IRAK1BP1: variants seen among roughly 807,000 people sequenced by gnomAD.
IRAK1BP1 encodes the protein interleukin 1 receptor associated kinase 1 binding protein 1.
In IRAK1BP1, 24 loss-of-function variants were observed where a neutral mutation model predicts 28.0. The observed-to-expected ratio is 0.86, with a 90% CI of 0.62 to 1.20. IRAK1BP1 has a LOEUF of 1.20. Ranked by LOEUF, IRAK1BP1 falls within the 50% of genes most tolerant of loss-of-function variation. IRAK1BP1 has a pLI of 0.00. For missense variants in IRAK1BP1, 336 were observed against 316.7 expected (o/e 1.06, Z -0.46); for synonymous variants, 131 against 116.3 (o/e 1.13, Z -0.81).
intron 1 of IRAK1BP1, among the ~76,000 whole-genome samples, chr6:78,874,592 C>T (rs958053729): frequency 1.3e-5 from 2 of 152,034 alleles, no homozygotes; most frequent in Admixed American, 1.3e-4. Context: ...AAAAAATTCC[C>T]TGTCTGCAAG....
At chr6:78,926,710 C>A (rs1026519240) in intron 4 of IRAK1BP1, among the ~76,000 whole-genome samples, 1 of 152,158 alleles carries the variant, frequency 6.6e-6, no homozygotes, top group Non-Finnish European at 1.5e-5. Context: ...CTACATTTCT[C>A]AGCCTCTGAC....
chr6:78,888,770 C>A (rs62424927), intron 2 of IRAK1BP1, among the ~76,000 whole-genome samples: 135,806 of 152,020 alleles, frequency 0.89, 60,691 homozygotes, highest in Admixed American at 0.9. Flanking sequence ...GACCTCCCAA[C>A]GTGCTAGGAC....
At chr6:78,910,745 C>A (rs1272413990) in intron 4 of IRAK1BP1, among the ~76,000 whole-genome samples, 2 of 152,258 alleles carry the variant, frequency 1.3e-5, no homozygotes, top group Non-Finnish European at 2.9e-5. Flanking sequence ...ATGCTTGAAT[C>A]GCGCTTCTCG....
At chr6:78,886,163 A>G (rs941718809) in intron 2 of IRAK1BP1, among the ~76,000 whole-genome samples, 5 of 152,208 alleles carry the variant, frequency 3.3e-5, no homozygotes, top group African/African-American at 1.2e-4. Flanking sequence ...AGTAGAAAGT[A>G]TCTCCATCAC....
At chr6:78,954,899 T>C in the IRAK1BP1 span, 1 of 1,587,238 alleles carries the variant, frequency 6.3e-7, no homozygotes, top group Admixed American at 1.9e-5. Context: ...TTCACACTGT[T>C]TCTTCCATGC....
chr6:78,890,403 A>C (rs537741906), intron 2 of IRAK1BP1, among the ~76,000 whole-genome samples: 6 of 132,942 alleles, frequency 4.5e-5, no homozygotes, highest in African/African-American at 1.6e-4. Flanking sequence ...CCCAGAACTT[A>C]AAGTATAAGT....
the IRAK1BP1 span, among the ~76,000 whole-genome samples, chr6:78,953,734 C>T: frequency 2.0e-5 from 3 of 152,024 alleles, no homozygotes; most frequent in African/African-American, 7.2e-5. Flanking sequence ...TAAGTTAGAA[C>T]AAAAATTAGC....
chr6:78,909,386 A>G lies in IRAK1BP1; in HGVS notation c.*67+6276A>G, dbSNP rs145186654. ...ATCAGATTGGCCTGAAGCTTAGCAC[A>G]GCCTCCTTCTCTTTCCCTGAAATGT... On this transcript the variant is annotated intron_variant and NMD_transcript_variant, in intron 4 of 4. Transcript: ENST00000606868. Among the ~76,000 whole-genome samples the G allele has an allele frequency of 1.2e-4, 19 of 152,358 alleles. No homozygotes were observed. In the East Asian group the frequency reaches 3.5e-3, roughly 28 times the overall value.
At position 78,898,133 on chromosome 6, in the gene IRAK1BP1, C is replaced by T; in HGVS notation, c.582C>T (p.Gly194=). 1.2e-6 allele frequency: 2 copies of T among 1,613,602 alleles called. No individual in the cohort carries two copies. Among genetic ancestry groups the T allele is most frequent in the Non-Finnish European group, 1.7e-6 (2 of 1,179,896 alleles). The change falls in exon 4 of 4, where the codon GGC becomes GGT. Residue 194 remains glycine (G), a synonymous_variant. Coordinates refer to ENST00000369940, the MANE Select transcript of IRAK1BP1 (RefSeq NM_001010844.4). The part of the protein sequence containing the change: ...RKAQEVCNLV[G]QTLGKPLLIK... ...CTCAAGAAGTCTGTAACCTTGTTGGCCAAACCTTAGGAAAACCTTTACTAA... is the reference window on the plus strand; with the variant it reads ...CTCAAGAAGTCTGTAACCTTGTTGGTCAAACCTTAGGAAAACCTTTACTAA...
the IRAK1BP1 span, among the ~76,000 whole-genome samples, chr6:78,961,254 T>C: frequency 6.6e-6 from 1 of 151,962 alleles, no homozygotes; most frequent in African/African-American, 2.4e-5. Context: ...ATAAGCTGAA[T>C]ACAGGCAAAA....
At chr6:78,893,310 GTGTGTATATATATATATA>G (rs1771739184) in intron 2 of IRAK1BP1, among the ~76,000 whole-genome samples, 1 of 71,126 alleles carries the variant, frequency 1.4e-5, no homozygotes, top group African/African-American at 4.8e-5. Context: ...GTGTGTGTGT[GTGTGTATATATATATATA>G]TATATATATA....
downstream of IRAK1BP1, chr6:78,947,497 AG>A: frequency 9.0e-6 from 5 of 555,082 alleles, no homozygotes; most frequent in South Asian, 1.3e-4. Flanking sequence ...TTTTTCCAGT[AG>A]GACAACATTA....
chr6:78,893,637 G>A (rs1022127806), intron 2 of IRAK1BP1, among the ~76,000 whole-genome samples: 32 of 152,156 alleles, frequency 2.1e-4, no homozygotes, highest in African/African-American at 7.2e-4. Context: ...TGGGTGCAGT[G>A]GCTCACACCT....
At position 78,901,389 on chromosome 6, in the gene IRAK1BP1, G is replaced by T. The variant is rs565236032; in HGVS notation, c.*3055G>T. On this transcript the variant is annotated 3_prime_UTR_variant, in exon 4 of 4. Coordinates refer to ENST00000369940, the MANE Select transcript of IRAK1BP1 (RefSeq NM_001010844.4). ...AGGGTATCAAATTTAGTTGTCAGTTGATAGCAATTTAATTTCTTGATACAT... is the reference window on the plus strand; with the variant it reads ...AGGGTATCAAATTTAGTTGTCAGTTTATAGCAATTTAATTTCTTGATACAT... 6.6e-6 allele frequency: 1 copy of T among 151,992 alleles called. No individual in the cohort carries two copies. Among genetic ancestry groups the T allele is most frequent in the Non-Finnish European group, 1.5e-5 (1 of 67,958 alleles). 9.4% of individuals were successfully genotyped at this position (151,992 alleles called of 1,614,324 possible). A position where few individuals can be genotyped will look rare whatever the true frequency, so the allele number is the denominator to read the frequency against.
chr6:78,977,864 CT>C, the IRAK1BP1 span, among the ~76,000 whole-genome samples: 14 of 151,920 alleles, frequency 9.2e-5, no homozygotes, highest in South Asian at 1.9e-3. Context: ...TTTTTGTTTT[CT>C]TTTTTTTCTT....
At chr6:78,904,239 A>G (rs1024395894), downstream of IRAK1BP1, among the ~76,000 whole-genome samples, 1 of 152,246 alleles carries the variant, frequency 6.6e-6, no homozygotes, top group African/African-American at 2.4e-5. Flanking sequence ...ATGCAACAAC[A>G]TACATTCTGT....
At chr6:78,946,926 TG>T, downstream of IRAK1BP1, 1 of 1,137,296 alleles carries the variant, frequency 8.8e-7, no homozygotes, top group Non-Finnish European at 1.3e-6. Context: ...AAAATACCTT[TG>T]TTCAGTAAAT....
intron 4 of IRAK1BP1, chr6:78,940,864 G>A (rs776169625): frequency 3.1e-6 from 5 of 1,613,908 alleles, no homozygotes; most frequent in Non-Finnish European, 4.2e-6. Context: ...TAGTTCTCAT[G>A]TGGGGTTCAG....
the IRAK1BP1 span, among the ~76,000 whole-genome samples, chr6:78,976,014 GA>G: frequency 6.6e-6 from 1 of 151,728 alleles, no homozygotes; most frequent in Non-Finnish European, 1.5e-5. Flanking sequence ...CACAGAATTG[GA>G]AAAAACTACT....
Sources: gnomAD v4.1 joint callset for allele counts (sites outside exome capture counted in the v4.1 genomes callset) on GRCh38, gnomAD v4.1.1 for gene constraint, MANE v1.5 for transcripts, NCBI Gene and HGNC (gene_info 2026-07-23, HGNC 2026-07-21) for gene names.